The following FSTL4 variants were observed in gnomAD, a reference collection of about 807,000 sequenced individuals.
FSTL4 encodes follistatin like 4.
In FSTL4, 28 loss-of-function variants were observed where a neutral mutation model predicts 78.2. The observed-to-expected ratio is 0.36, with a 90% CI of 0.27 to 0.49. The LOEUF is 0.49. Among genes scored for constraint, FSTL4 ranks in the 20% least tolerant of loss-of-function variants. The probability of loss-of-function intolerance (pLI) is 0.98; values close to 1 mark genes in which losing one functional copy is unlikely to be tolerated. For synonymous variants in FSTL4, 422 were observed against 440.5 expected, an observed-to-expected ratio of 0.96 and a Z score of 0.53; for missense variants, 922 against 1,084.9, an observed-to-expected ratio of 0.85 and a Z score of 2.11.
At chr5:133,582,608 G>C (rs2112959910) in intron 2 of FSTL4, among the ~76,000 whole-genome samples, 1 of 152,264 alleles carries the variant, frequency 6.6e-6, no homozygotes, top group Non-Finnish European at 1.5e-5. Flanking sequence ...ACAGGTTGGG[G>C]GAAAGGCATC....
chr5:133,310,203 C>T (rs1373441975), intron 6 of FSTL4, among the ~76,000 whole-genome samples: 2 of 152,084 alleles, frequency 1.3e-5, no homozygotes, highest in Admixed American at 6.5e-5. Context: ...TGTGAGTTTA[C>T]GTTTTATTGC....
chr5:133,734,135 G>T, the FSTL4 span, among the ~76,000 whole-genome samples: 1 of 152,266 alleles, frequency 6.6e-6, no homozygotes, highest in East Asian at 1.9e-4. Flanking sequence ...CACATTCAAG[G>T]GGAGGGGAAG....
At chr5:133,533,488 C>T (rs1262900471) in intron 3 of FSTL4, among the ~76,000 whole-genome samples, 1 of 152,122 alleles carries the variant, frequency 6.6e-6, no homozygotes, top group South Asian at 2.1e-4. Context: ...TCAAGCAATC[C>T]GCCCACCTCA....
In FSTL4 at chr5:133,554,891, T is replaced by C. The variant is rs1759757774; in HGVS notation, c.160+12295A>G. Reference sequence around the variant, plus strand: ...TAGATTCACCCAAGCACCCTCTGCATATTGACGGCAGGGTCAGAATGGTAT... The same window carrying C: ...TAGATTCACCCAAGCACCCTCTGCACATTGACGGCAGGGTCAGAATGGTAT... On this transcript the variant is annotated intron_variant, in intron 3 of 15. Transcript: ENST00000265342. 2.0e-5 allele frequency among the ~76,000 whole-genome samples: 3 copies of C among 152,224 alleles called. No individual in the cohort carries two copies. The South Asian group carries it at 6.2e-4, about 31-fold the overall frequency.
intron 4 of FSTL4, among the ~76,000 whole-genome samples, chr5:133,345,080 T>C (rs1754669251): frequency 6.6e-6 from 1 of 151,722 alleles, no homozygotes; most frequent in Admixed American, 6.6e-5. Flanking sequence ...GCCATTCTCC[T>C]GCCTCAGCCT....
At chr5:133,733,189 T>C in the FSTL4 span, among the ~76,000 whole-genome samples, 1 of 152,256 alleles carries the variant, frequency 6.6e-6, no homozygotes, top group Non-Finnish European at 1.5e-5. Context: ...CACTCACATG[T>C]AAAAACCAGC....
the FSTL4 span, among the ~76,000 whole-genome samples, chr5:133,690,435 C>A: frequency 1.9e-4 from 29 of 152,110 alleles, no homozygotes; most frequent in Non-Finnish European, 3.7e-4. Context: ...TGACATATAT[C>A]TGCTGCACCT....
At chr5:133,814,694 G>A in the FSTL4 span, among the ~76,000 whole-genome samples, 1 of 152,208 alleles carries the variant, frequency 6.6e-6, no homozygotes, top group Non-Finnish European at 1.5e-5. Context: ...AAACAACTAT[G>A]TTGAGAGCGG....
At chr5:133,640,007 T>C in the FSTL4 span, among the ~76,000 whole-genome samples, 47,669 of 152,066 alleles carry the variant, frequency 0.31, 7,849 homozygotes, top group East Asian at 0.35. Context: ...GAAATACAGA[T>C]CCCATTCACA....
chr5:133,777,347 G>A, the FSTL4 span, among the ~76,000 whole-genome samples: 1 of 152,174 alleles, frequency 6.6e-6, no homozygotes, highest in African/African-American at 2.4e-5. Context: ...AAATGGACTG[G>A]AAGGAAATGC....
the FSTL4 span, among the ~76,000 whole-genome samples, chr5:133,638,416 C>T: frequency 2.0e-5 from 3 of 152,190 alleles, no homozygotes; most frequent in Non-Finnish European, 2.9e-5. Flanking sequence ...CCTCGCAGGC[C>T]CCATGCAACG....
At chr5:133,816,232 G>T in the FSTL4 span, among the ~76,000 whole-genome samples, 1 of 152,204 alleles carries the variant, frequency 6.6e-6, no homozygotes, top group Non-Finnish European at 1.5e-5. Context: ...GTAGAGTGGA[G>T]GCCTTGCACT....
At chr5:133,288,428 C>T (rs935485169) in intron 6 of FSTL4, among the ~76,000 whole-genome samples, 1 of 152,190 alleles carries the variant, frequency 6.6e-6, no homozygotes, top group Non-Finnish European at 1.5e-5. Context: ...TCTGCCCAGG[C>T]CCCACTCCTG....
intron 7 of FSTL4, chr5:133,248,348 A>G (rs1224385151): frequency 6.6e-6 from 1 of 152,254 alleles, no homozygotes; most frequent in Admixed American, 6.5e-5. Context: ...CAAGCATCCC[A>G]CTGTGGACCA....
intron 3 of FSTL4, among the ~76,000 whole-genome samples, chr5:133,408,787 G>A (rs535092636): frequency 6.6e-6 from 1 of 152,250 alleles, no homozygotes; most frequent in African/African-American, 2.4e-5. Context: ...GGTCCTTACG[G>A]GATTGCCCCT....
chr5:133,603,445 A>G (rs1443924683), intron 2 of FSTL4, among the ~76,000 whole-genome samples: 1 of 152,208 alleles, frequency 6.6e-6, no homozygotes, highest in Non-Finnish European at 1.5e-5. Context: ...CTTTCTATCT[A>G]TATACCTGAA....
At chr5:133,240,262 G>A (rs528161389) in intron 7 of FSTL4, among the ~76,000 whole-genome samples, 2 of 152,336 alleles carry the variant, frequency 1.3e-5, no homozygotes, top group East Asian at 1.9e-4. Context: ...CTTCATTCTT[G>A]AAGTCAGTGA....
intron 2 of FSTL4, among the ~76,000 whole-genome samples, chr5:133,572,521 C>G (rs1326114809): frequency 6.6e-6 from 1 of 151,870 alleles, no homozygotes; most frequent in Admixed American, 6.6e-5. Flanking sequence ...CAAATTAACA[C>G]TAAGAGCAAT....
At chr5:133,743,264 C>T in the FSTL4 span, among the ~76,000 whole-genome samples, 2 of 152,264 alleles carry the variant, frequency 1.3e-5, no homozygotes, top group East Asian at 3.9e-4. Context: ...GGTGTATTAA[C>T]GACAAGAACA....
Sources: allele counts gnomAD v4.1 joint callset (sites outside exome capture counted in the v4.1 genomes callset), GRCh38; gene constraint gnomAD v4.1.1; transcripts MANE v1.5; gene names NCBI Gene and HGNC (gene_info 2026-07-23, HGNC 2026-07-21).